SPECC1: variants seen among roughly 807,000 people sequenced by gnomAD.
SPECC1 encodes cytospin-B.
A neutral mutation model predicts 104.1 loss-of-function variants in SPECC1; 62 were observed. The observed-to-expected ratio is 0.60, with a 90% CI of 0.49 to 0.74. SPECC1 has a LOEUF of 0.74. SPECC1 is among the 30% of genes least tolerant of loss of function. SPECC1 has a pLI of 0.00. For missense variants in SPECC1, 1,306 were observed against 1,310.5 expected (o/e 1.00, Z 0.05); for synonymous variants, 513 against 501.6 (o/e 1.02, Z -0.30).
chr17:20,142,022 A>G (rs2152560552), intron 3 of SPECC1, among the ~76,000 whole-genome samples: 1 of 152,320 alleles, frequency 6.6e-6, no homozygotes, highest in African/African-American at 2.4e-5. Context: ...AAACTTGAAT[A>G]GTGTCATGTA....
intron 7 of SPECC1, among the ~76,000 whole-genome samples, chr17:20,233,648 A>G (rs879258065): frequency 1.3e-5 from 2 of 152,206 alleles, no homozygotes; most frequent in Non-Finnish European, 2.9e-5. Flanking sequence ...AACTAGGACT[A>G]CACATGCGCC....
chr17:20,217,514 G>A (rs1431268654), intron 4 of SPECC1, among the ~76,000 whole-genome samples: 5 of 152,028 alleles, frequency 3.3e-5, no homozygotes, highest in Non-Finnish European at 7.4e-5. Context: ...AGGCTGCCTC[G>A]TTACATCCTC....
chr17:20,191,153 A>G (rs1354208319), intron 3 of SPECC1, among the ~76,000 whole-genome samples: 1 of 152,150 alleles, frequency 6.6e-6, no homozygotes, highest in Non-Finnish European at 1.5e-5. Flanking sequence ...GTTGCTTCCA[A>G]GTTTTGGCAG....
chr17:20,184,035 G>A (rs907392893), intron 3 of SPECC1, among the ~76,000 whole-genome samples: 1 of 151,464 alleles, frequency 6.6e-6, no homozygotes, highest in Admixed American at 6.6e-5. Flanking sequence ...CAAAAAATTA[G>A]CCAGGTGTGG....
intron 1 of SPECC1, among the ~76,000 whole-genome samples, chr17:20,035,297 A>T (rs1481300170): frequency 6.6e-6 from 1 of 152,110 alleles, no homozygotes; most frequent in East Asian, 1.9e-4. Flanking sequence ...ACATTTTTGT[A>T]TGATCTTGTC....
intron 3 of SPECC1, among the ~76,000 whole-genome samples, chr17:20,119,606 A>G (rs1483684395): frequency 6.6e-6 from 1 of 152,218 alleles, no homozygotes; most frequent in Non-Finnish European, 1.5e-5. Flanking sequence ...ACTTTTGTAC[A>G]TTGTCATGCT....
At chr17:20,114,146 A>G (rs2048632911) in intron 3 of SPECC1, among the ~76,000 whole-genome samples, 1 of 152,184 alleles carries the variant, frequency 6.6e-6, no homozygotes, top group Non-Finnish European at 1.5e-5. Context: ...TGTAACACCA[A>G]TCAGTCAGCA....
chr17:20,112,240 G>A (rs1246018861), intron 3 of SPECC1: 14 of 763,212 alleles, frequency 1.8e-5, no homozygotes, highest in Non-Finnish European at 2.4e-5. Context: ...TTAATTGACC[G>A]AAGTCCTGAG....
chr17:20,142,400 A>T (rs574492382), intron 3 of SPECC1, among the ~76,000 whole-genome samples: 4 of 152,354 alleles, frequency 2.6e-5, no homozygotes, highest in Middle Eastern at 3.4e-3. Context: ...TGCAATAACT[A>T]AAAGGTGGAA....
intron 2 of SPECC1, among the ~76,000 whole-genome samples, chr17:20,104,338 T>C (rs1418319452): frequency 6.6e-6 from 1 of 152,218 alleles, no homozygotes; most frequent in African/African-American, 2.4e-5. Flanking sequence ...TCTGAGTACA[T>C]GTGCACAAAA....
chr17:20,041,499 C>G (rs2045325134), intron 1 of SPECC1, among the ~76,000 whole-genome samples: 1 of 152,044 alleles, frequency 6.6e-6, no homozygotes, highest in Non-Finnish European at 1.5e-5. Flanking sequence ...GCCTCAGCCT[C>G]CCAAAGTGCA....
intron 13 of SPECC1, among the ~76,000 whole-genome samples, chr17:20,304,137 A>C (rs1339486213): frequency 6.7e-6 from 1 of 148,782 alleles, no homozygotes; most frequent in Non-Finnish European, 1.5e-5. Flanking sequence ...AAAAAAAAAA[A>C]AAAAAAGCCA....
chr17:20,013,800 G>C (rs571315411), intron 1 of SPECC1, among the ~76,000 whole-genome samples: 2 of 152,292 alleles, frequency 1.3e-5, no homozygotes, highest in Admixed American at 1.3e-4. Context: ...ACTGTGCCGA[G>C]CTGGTTCATT....
intron 3 of SPECC1, chr17:20,156,189 G>C: frequency 2.1e-6 from 3 of 1,446,338 alleles, no homozygotes; most frequent in South Asian, 1.4e-5. Flanking sequence ...TGCCCGAGTC[G>C]GCCAAGCATG....
rs544739767 is a variant in SPECC1, at chr17:20,104,977, C to T, written c.148-5450C>T. ...CCACCATGGAGAGCCACTAGGAAAA[C>T]AGCTGCAATGATGATGTTGAAGATG... On this transcript the variant is annotated intron_variant, in intron 2 of 14. Coordinates refer to ENST00000395527, the MANE Select transcript of SPECC1 (RefSeq NM_001243439.2). 3.9e-5 allele frequency among the ~76,000 whole-genome samples: 6 copies of T among 152,164 alleles called. No individual in the cohort carries two copies. In the South Asian group the frequency reaches 1.2e-3, roughly 32 times the overall value.
At chr17:20,302,217 C>A (rs1358223414) in intron 13 of SPECC1, among the ~76,000 whole-genome samples, 1 of 152,222 alleles carries the variant, frequency 6.6e-6, no homozygotes, top group Non-Finnish European at 1.5e-5. Flanking sequence ...CGGGCCCAAC[C>A]CCTCAATCCC....
chr17:20,098,346 T>C (rs1472494042), intron 2 of SPECC1, among the ~76,000 whole-genome samples: 1 of 152,198 alleles, frequency 6.6e-6, no homozygotes. Flanking sequence ...CTTAAAAATA[T>C]GTGTCAACTC....
At chr17:20,010,730 C>T (rs188047237) in intron 1 of SPECC1, among the ~76,000 whole-genome samples, 1 of 152,344 alleles carries the variant, frequency 6.6e-6, no homozygotes. Context: ...ATAGATTACT[C>T]TCGCTGCAGT....
At chr17:20,184,096 G>T (rs962083433) in intron 3 of SPECC1, among the ~76,000 whole-genome samples, 1 of 149,678 alleles carries the variant, frequency 6.7e-6, no homozygotes, top group Non-Finnish European at 1.5e-5. Context: ...CATGAGAATC[G>T]CTTGAACCCG....
Sources: gnomAD v4.1 joint callset for allele counts (sites outside exome capture counted in the v4.1 genomes callset) on GRCh38, gnomAD v4.1.1 for gene constraint, MANE v1.5 for transcripts, NCBI Gene and HGNC (gene_info 2026-07-23, HGNC 2026-07-21) for gene names.